Variants in MYRF observed in about 807,000 individuals in gnomAD.
MYRF encodes the protein myelin regulatory factor.
A neutral mutation model predicts 126.3 loss-of-function variants in MYRF; 16 were observed. The observed-to-expected ratio is 0.13, with a 90% CI of 0.09 to 0.19. The LOEUF is 0.19. Ranked by LOEUF, MYRF falls within the 10% of genes least tolerant of loss-of-function variation. The probability of loss-of-function intolerance (pLI) is 1.00; values close to 1 mark genes in which losing one functional copy is unlikely to be tolerated. For synonymous variants in MYRF, 608 were observed against 635.3 expected (o/e 0.96, Z 0.65); for missense variants, 1,104 against 1,547.0 (o/e 0.71, Z 4.80).
At chr11:61,753,820 GT>G (rs2065672439) in intron 1 of MYRF, among the ~76,000 whole-genome samples, 1 of 152,086 alleles carries the variant, frequency 6.6e-6, no homozygotes, top group Admixed American at 6.5e-5. Flanking sequence ...ACTCCTCCTG[GT>G]GCTGGGTTCT....
Position 61,779,841 on chromosome 11 carries a change from GTCA to G in MYRF, c.2250_2252del (p.Ser752del), listed in dbSNP as rs1315075077. 1 of 1,613,742 alleles carries G rather than the reference GTCA, an allele frequency of 6.2e-7. No individual in the cohort carries two copies. Among genetic ancestry groups the G allele is most frequent in the Non-Finnish European group, 8.5e-7 (1 of 1,179,702 alleles). The stretch of plus-strand genomic sequence containing the variant: ...TTTGCACTTTTCCTCTTGGTCCTCA[GTCA>G]TCGTCCGTGGTTCCGGACCAGGCCT... On this transcript the variant is annotated inframe_deletion and splice_region_variant, in exon 17 of 27. Coordinates refer to ENST00000278836, the MANE Select transcript of MYRF (RefSeq NM_001127392.3).
chr11:61,770,513 A>G lies in MYRF; in HGVS notation c.728A>G (p.Gln243Arg). The G allele has an allele frequency of 3.8e-6, 6 of 1,563,462 alleles. No homozygotes were observed. The highest frequency in any genetic ancestry group is 5.2e-6 in the Non-Finnish European group (6 of 1,153,620). Residue 243 changes from glutamine (Q) to arginine (R), a missense_variant, in exon 5 of 27, where the codon CAG becomes CGG. Transcript: ENST00000278836. Reference protein sequence around the residue: ...QSQMLHQLLQQHGAELPTHPS... With the variant: ...QSQMLHQLLQRHGAELPTHPS... ...CAGATGCTGCACCAGCTCCTGCAGC[A>G]GCACGGAGCTGAGTAAGACGTGGGT...
chr11:61,752,865 C>T, intron 1 of MYRF, 75 bp downstream of exon 1: 2 of 1,342,852 alleles, frequency 1.5e-6, no homozygotes. Context: ...GGAACTGGGG[C>T]TCCTCGCTGT....
intron 3 of MYRF, 173 bp downstream of exon 3, chr11:61,766,394 T>G (rs1446847985): frequency 1.5e-6 from 1 of 648,432 alleles, no homozygotes; most frequent in African/African-American, 1.8e-5. Context: ...AAGGGGGGAC[T>G]CCTGGGCTTT....
intron 1 of MYRF, among the ~76,000 whole-genome samples, chr11:61,761,268 G>GGA (rs747762502): frequency 0.019 from 2,915 of 151,582 alleles, 114 homozygotes; most frequent in Non-Finnish European, 0.027. Context: ...GTGGGGGGGG[G>GGA]GGCACATAAG....
At position 61,765,760 on chromosome 11, in the gene MYRF, C is replaced by T. The variant is rs371762446; in HGVS notation, c.134+48C>T. On this transcript the variant is annotated intron_variant, in intron 2 of 26. Coordinates refer to ENST00000278836, the MANE Select transcript of MYRF (RefSeq NM_001127392.3). ...CTGCACCCGCCCAGCCCCAGCCCTT[C>T]GCCTCCCTTCTGTCACCAGGGAGGT... The T allele has an allele frequency of 2.0e-5, 31 of 1,554,186 alleles. No homozygotes were observed. The Admixed American group carries it at 2.5e-4, about 12-fold the overall frequency.
chr11:61,776,724 G>GA lies in MYRF; in HGVS notation c.1500-60dup. ...TGAGATGAACATGCATCTGGCCAGG[G>GA]AAAGGGTGGCCCTGGGGGCGGGGGC... On this transcript the variant is annotated intron_variant, in intron 10 of 26. Transcript: ENST00000278836. The surrounding 1 kb of genome is among the most constrained non-coding windows in gnomAD (Gnocchi z 4.3). The GA allele has an allele frequency of 7.5e-7, 1 of 1,326,656 alleles. No homozygotes were observed. Among genetic ancestry groups the GA allele is most frequent in the Non-Finnish European group, 1.0e-6 (1 of 958,868 alleles). 82.2% of individuals were successfully genotyped at this position (1,326,656 alleles called of 1,614,324 possible). A position where few individuals can be genotyped will look rare whatever the true frequency, so the allele number is the denominator to read the frequency against.
In MYRF at chr11:61,778,588, G is replaced by C; in HGVS notation, c.2013+99G>C. On this transcript the variant is annotated intron_variant, in intron 14 of 26. Coordinates refer to ENST00000278836, the MANE Select transcript of MYRF (RefSeq NM_001127392.3). The surrounding 1 kb of genome is among the most constrained non-coding windows in gnomAD (Gnocchi z 4.6). ...TAGATACTGGGGGCACTGCAAAGCA[G>C]AGGCAGGAGCACCCTCGGCTCTCAT... 1 of 889,270 alleles carries C rather than the reference G, an allele frequency of 1.1e-6. No homozygotes were observed. The highest frequency in any genetic ancestry group is 1.9e-6 in the Non-Finnish European group (1 of 531,816). The allele number at this position is 889,270 out of a possible 1,614,324, so 55.1% of individuals were successfully genotyped here. A position where few individuals can be genotyped will look rare whatever the true frequency, so the allele number is the denominator to read the frequency against.
intron 22 of MYRF, 51 bp downstream of exon 22, chr11:61,781,875 G>A (rs1350629825): frequency 2.0e-6 from 3 of 1,485,876 alleles, no homozygotes; most frequent in Non-Finnish European, 2.7e-6. Context: ...AAGGCTCACT[G>A]GCCAGGGCCC....
At position 61,771,841 on chromosome 11, in the gene MYRF, A is replaced by C. The variant is rs781331156; in HGVS notation, c.1004A>C (p.Asp335Ala). The change falls in exon 7 of 27, where the codon GAC becomes GCC. Residue 335 changes from aspartate (D) to alanine (A), a missense_variant. By Grantham distance (126) the Asp-to-Ala change is moderately radical. Around this residue, in one of 10 missense-constraint regions of MYRF, gnomAD observed 87 missense variants for 129.2 expected, o/e 0.67. Coordinates refer to ENST00000278836, the MANE Select transcript of MYRF (RefSeq NM_001127392.3). The part of the protein sequence containing the change: ...PGAPSPGLLQ[D>A]SDSLSGSYLD... ...TCCCTCCCTCCAGGCCTCCTGCAGG[A>C]CAGTGACAGCCTCAGTGGCTCCTAC... 2.5e-6 allele frequency: 4 copies of C among 1,614,136 alleles called. No individual in the cohort carries two copies. Among genetic ancestry groups the C allele is most frequent in the Non-Finnish European group, 3.4e-6 (4 of 1,180,002 alleles).
chr11:61,783,755 G>A lies in MYRF; in HGVS notation c.3120-96G>A, dbSNP rs1275744005. The A allele has an allele frequency of 7.2e-7, 1 of 1,396,046 alleles. No homozygotes were observed. The highest frequency in any genetic ancestry group is 2.4e-5 in the East Asian group (1 of 41,158). The allele number at this position is 1,396,046 out of a possible 1,614,324, so 86.5% of individuals were successfully genotyped here. A position where few individuals can be genotyped will look rare whatever the true frequency, so the allele number is the denominator to read the frequency against. On this transcript the variant is annotated intron_variant, in intron 23 of 26. Transcript: ENST00000278836. The surrounding 1 kb of genome is among the most constrained non-coding windows in gnomAD (Gnocchi z 4.6). ...CTACCCTTGGACACTGTCTCTTCTG[G>A]AGGGCTCCAGTACAGATTGGGGGCT...
At chr11:61,768,064 G>A (rs1409032485) in intron 3 of MYRF, among the ~76,000 whole-genome samples, 1 of 151,444 alleles carries the variant, frequency 6.6e-6, no homozygotes, top group Non-Finnish European at 1.5e-5. Flanking sequence ...GTTACAGTGA[G>A]TGGTGATTGT....
rs767912592 is a variant in MYRF at position 61,777,470 on chromosome 11, G to T, written c.1791+6G>T. Reference sequence around the variant, plus strand: ...CCAAGGAACACGTGCAGGAGGTGGGGACAGGGCTGTGGGGGCCGGGCGGGT... The same window carrying T: ...CCAAGGAACACGTGCAGGAGGTGGGTACAGGGCTGTGGGGGCCGGGCGGGT... On this transcript the variant is annotated splice_donor_region_variant and intron_variant, in intron 12 of 26. Coordinates refer to ENST00000278836, the MANE Select transcript of MYRF (RefSeq NM_001127392.3). This position sits in a 1 kb window ranked among gnomAD's most constrained non-coding sequence, Gnocchi z 8.8. The T allele has an allele frequency of 1.9e-6, 3 of 1,599,238 alleles. No individual in the cohort carries two copies. The highest frequency in any genetic ancestry group is 2.6e-6 in the Non-Finnish European group (3 of 1,173,740).
At chr11:61,770,110 C>T in intron 4 of MYRF, 136 bp from the exon 5 acceptor site, 1 of 859,716 alleles carries the variant, frequency 1.2e-6, no homozygotes, top group Non-Finnish European at 1.7e-6. Flanking sequence ...GCCCTCCCAC[C>T]TAGGGTAGGT....
chr11:61,758,773 T>C (rs1473622293), intron 1 of MYRF, among the ~76,000 whole-genome samples: 1 of 152,256 alleles, frequency 6.6e-6, no homozygotes, highest in African/African-American at 2.4e-5. Context: ...CCCTAGAATG[T>C]CAGCTCCATG....
At chr11:61,763,203 G>A (rs369060455) in intron 1 of MYRF, among the ~76,000 whole-genome samples, 7 of 152,302 alleles carry the variant, frequency 4.6e-5, no homozygotes, top group South Asian at 2.1e-4. Context: ...ACTCTCCCTC[G>A]TGGAGTCAGA....
rs1054737059 is a variant in MYRF at position 61,777,194 on chromosome 11, C to T, written c.1591-70C>T. The T allele has an allele frequency of 1.3e-6, 2 of 1,509,036 alleles. No individual in the cohort carries two copies. Among genetic ancestry groups the T allele is most frequent in the African/African-American group, 2.7e-5 (2 of 73,046 alleles). The allele number at this position is 1,509,036 out of a possible 1,614,324, so 93.5% of individuals were successfully genotyped here. On this transcript the variant is annotated intron_variant, in intron 11 of 26. Transcript: ENST00000278836. This position sits in a 1 kb window ranked among gnomAD's most constrained non-coding sequence, Gnocchi z 8.8. ...AGGGGAGGGGCTGCTGTGGAGTTTC[C>T]CCCTGCTCCCAGGGCCCTGCAGGTC...
At chr11:61,769,406 A>T in intron 4 of MYRF, 85 bp downstream of exon 4, 2 of 1,027,332 alleles carry the variant, frequency 1.9e-6, no homozygotes, top group Non-Finnish European at 3.0e-6. Context: ...GGGAGGAGGG[A>T]GGGGGCCAGC....
chr11:61,772,450 A>G (rs1157500915), intron 7 of MYRF, among the ~76,000 whole-genome samples: 1 of 152,252 alleles, frequency 6.6e-6, no homozygotes, highest in Non-Finnish European at 1.5e-5. Context: ...GCTCACCCAG[A>G]AGGCCAGTGG....
Sources: allele counts gnomAD v4.1 joint callset (sites outside exome capture counted in the v4.1 genomes callset), GRCh38; gene constraint gnomAD v4.1.1; regional missense constraint gnomAD v4.1.1; non-coding constraint Gnocchi (gnomAD v3.1); transcripts MANE v1.5; gene names NCBI Gene and HGNC (gene_info 2026-07-23, HGNC 2026-07-21).